The following KASH5 variants were observed in gnomAD, a reference collection of about 807,000 sequenced individuals.
The protein encoded by KASH5 is protein KASH5.
In KASH5, 72 loss-of-function variants were observed where a neutral mutation model predicts 84.2. That is an observed-to-expected ratio of 0.85 (90% CI 0.71 to 1.04). KASH5 has a LOEUF of 1.04. Ranked by LOEUF, KASH5 falls within the 50% of genes least tolerant of loss-of-function variation. KASH5 has a pLI of 0.00. For missense variants in KASH5, 650 were observed against 701.0 expected (o/e 0.93, Z 0.82); for synonymous variants, 260 against 279.1 (o/e 0.93, Z 0.68).
At chr19:49,415,373 T>TG (rs1974872586) in intron 17 of KASH5, 2 of 341,558 alleles carry the variant, frequency 5.9e-6, no homozygotes, top group Non-Finnish European at 1.1e-5. Flanking sequence ...CAGAACTCCC[T>TG]GGGGGCGTAG....
chr19:49,409,120 A>G, intron 13 of KASH5, 76 bp from the exon 14 acceptor site: 1 of 1,588,222 alleles, frequency 6.3e-7, no homozygotes, highest in Non-Finnish European at 8.6e-7. Context: ...TGGGCAGGGA[A>G]GGGAGGCCAG....
rs184574888 is a variant in KASH5 at position 49,395,444 on chromosome 19, G to T, written c.335+152G>T. Among the ~76,000 whole-genome samples, 4 of 142,278 alleles carry T rather than the reference G, an allele frequency of 2.8e-5. No individual in the cohort carries two copies. The highest frequency in any genetic ancestry group is 4.1e-4 in the South Asian group (2 of 4,832). 93.3% of individuals were successfully genotyped at this position (142,278 alleles called of 152,430 possible). On this transcript the variant is annotated intron_variant, in intron 4 of 19. Coordinates refer to ENST00000447857, the MANE Select transcript of KASH5 (RefSeq NM_144688.5). This position sits in a 1 kb window ranked among gnomAD's most constrained non-coding sequence, Gnocchi z 4.4. The stretch of plus-strand genomic sequence containing the variant: ...AAAAATGAAGAGACGGGATTCAGAG[G>T]GGGTAGATAGGGAGTCTGAGGACAA...
chr19:49,397,620 A>G (rs9304688), intron 5 of KASH5, 31 bp from the exon 6 acceptor site: 871,928 of 1,608,470 alleles, frequency 0.54, 237,924 homozygotes, highest in South Asian at 0.64. Flanking sequence ...GTTCCAGGGA[A>G]GCCAACATTC....
chr19:49,416,926 C>G lies in KASH5; in HGVS notation c.1375-89C>G. ...CTTATCTCCTGAGCTCCACCACTTT[C>G]TATGTGGCCACTTGTGTCCAGTGGG... On this transcript the variant is annotated intron_variant, in intron 17 of 19. Coordinates refer to ENST00000447857, the MANE Select transcript of KASH5 (RefSeq NM_144688.5). The surrounding 1 kb of genome is among the most constrained non-coding windows in gnomAD (Gnocchi z 5.4). 7.6e-7 allele frequency: 1 copy of G among 1,321,198 alleles called. No homozygotes were observed. The highest frequency in any genetic ancestry group is 1.1e-6 in the Non-Finnish European group (1 of 940,508). 81.8% of individuals were successfully genotyped at this position (1,321,198 alleles called of 1,614,324 possible).
At position 49,391,115 on chromosome 19, in the gene KASH5, T is replaced by C. The variant is rs145514830; in HGVS notation, c.43+189T>C. On this transcript the variant is annotated intron_variant, in intron 2 of 19. Transcript: ENST00000447857. ...TGCCTACTCTATGCCCGCCCACCTG[T>C]CACTACCCCTTATCTCCTGTGGGGA... Among the ~76,000 whole-genome samples, 42 of 152,240 alleles carry C rather than the reference T, an allele frequency of 2.8e-4. 2 individuals are homozygous for C. The East Asian group carries it at 6.9e-3, about 25-fold the overall frequency.
chr19:49,403,209 T>G (rs1568616428), intron 9 of KASH5, among the ~76,000 whole-genome samples: 1 of 151,992 alleles, frequency 6.6e-6, no homozygotes, highest in African/African-American at 2.4e-5. Flanking sequence ...ATACAAAAAA[T>G]AAATAAATAA....
At chr19:49,415,316 T>C in intron 17 of KASH5, 1 of 422,962 alleles carries the variant, frequency 2.4e-6, no homozygotes, top group Non-Finnish European at 4.4e-6. Context: ...CACACGCACA[T>C]GCGCCCACAC....
At chr19:49,402,767 TAC>T (rs1974403447) in intron 9 of KASH5, among the ~76,000 whole-genome samples, 1 of 152,198 alleles carries the variant, frequency 6.6e-6, no homozygotes, top group South Asian at 2.1e-4. Flanking sequence ...CTTCCTGCCT[TAC>T]AGTTCATTGC....
At chr19:49,401,980 G>A (rs1453039402) in intron 9 of KASH5, among the ~76,000 whole-genome samples, 6 of 152,116 alleles carry the variant, frequency 3.9e-5, no homozygotes, top group African/African-American at 9.6e-5. Flanking sequence ...AGTGGCTCAC[G>A]CCTGTAATCC....
In KASH5 at chr19:49,417,359, T is replaced by C; in HGVS notation, c.1548-10T>C. 1.3e-6 allele frequency: 2 copies of C among 1,552,682 alleles called. No homozygotes were observed. The highest frequency in any genetic ancestry group is 1.4e-5 in the African/African-American group (1 of 73,246). ...ACCCTGCCCTAAATGCTCTCCCACC[T>C]CCCCACCAGAGTCACTCGACATCCA... On this transcript the variant is annotated splice_polypyrimidine_tract_variant and intron_variant, in intron 19 of 19. Coordinates refer to ENST00000447857, the MANE Select transcript of KASH5 (RefSeq NM_144688.5). This position sits in a 1 kb window ranked among gnomAD's most constrained non-coding sequence, Gnocchi z 5.2.
chr19:49,412,336 C>A lies in KASH5; in HGVS notation c.1270-632C>A, dbSNP rs1020811791. Among the ~76,000 whole-genome samples, 2 of 150,556 alleles carry A rather than the reference C, an allele frequency of 1.3e-5. No individual in the cohort carries two copies. The highest frequency in any genetic ancestry group is 2.4e-5 in the African/African-American group (1 of 40,860). On this transcript the variant is annotated intron_variant, in intron 15 of 19. Coordinates refer to ENST00000447857, the MANE Select transcript of KASH5 (RefSeq NM_144688.5). This position sits in a 1 kb window ranked among gnomAD's most constrained non-coding sequence, Gnocchi z 4.6. The stretch of plus-strand genomic sequence containing the variant: ...GTGGAGGGACAGAGCAGGGGTCAGA[C>A]GGGATGTGGGTGATGGGGAGGGAGG...
intron 2 of KASH5, among the ~76,000 whole-genome samples, chr19:49,391,957 C>A (rs1008441079): frequency 7.9e-5 from 12 of 152,174 alleles, no homozygotes; most frequent in Admixed American, 7.2e-4. Flanking sequence ...TACAAAGCCC[C>A]AGACCTCAGG....
chr19:49,396,249 T>TG (rs1245731698), intron 5 of KASH5, among the ~76,000 whole-genome samples: 1,276 of 77,384 alleles, frequency 0.016, 65 homozygotes, highest in African/African-American at 0.041. Context: ...TGGACTTTTT[T>TG]TTTTTTTTTT....
At position 49,395,872 on chromosome 19, in the gene KASH5, G is replaced by A. The variant is rs115156590; in HGVS notation, c.400+39G>A. The A allele has an allele frequency of 9.0e-4, 1,364 of 1,523,512 alleles. 9 individuals are homozygous for A. The African/African-American group carries it at 0.015, about 17-fold the overall frequency. The allele number at this position is 1,523,512 out of a possible 1,614,324, so 94.4% of individuals were successfully genotyped here. A position where few individuals can be genotyped will look rare whatever the true frequency, so the allele number is the denominator to read the frequency against. Reference sequence around the variant, plus strand: ...ATATAGAATGAAGCAGGCAGGCCCTGGGTCAGACAGTGTGGGGACTTACCA... The same window carrying A: ...ATATAGAATGAAGCAGGCAGGCCCTAGGTCAGACAGTGTGGGGACTTACCA... On this transcript the variant is annotated intron_variant, in intron 5 of 19. Transcript: ENST00000447857. This position sits in a 1 kb window ranked among gnomAD's most constrained non-coding sequence, Gnocchi z 4.4.
chr19:49,397,248 C>T (rs925205170), intron 5 of KASH5, among the ~76,000 whole-genome samples: 1 of 151,838 alleles, frequency 6.6e-6, no homozygotes, highest in Non-Finnish European at 1.5e-5. Flanking sequence ...AAAGCAAGGG[C>T]CGGGGCATGG....
At chr19:49,393,488 C>T (rs529907735) in intron 2 of KASH5, 1 of 152,426 alleles carries the variant, frequency 6.6e-6, no homozygotes, top group South Asian at 2.1e-4. Flanking sequence ...AGCCTGTGCT[C>T]AGTGAGCTGC....
intron 1 of KASH5, among the ~76,000 whole-genome samples, chr19:49,389,382 C>T (rs1200020367): frequency 1.3e-5 from 2 of 151,854 alleles, no homozygotes; most frequent in Non-Finnish European, 2.9e-5. Context: ...GAAAGCCCGC[C>T]AAGGCCCACA....
intron 2 of KASH5, among the ~76,000 whole-genome samples, 195 bp from the exon 3 acceptor site, chr19:49,394,281 G>T (rs1974101534): frequency 6.6e-6 from 1 of 152,156 alleles, no homozygotes; most frequent in Non-Finnish European, 1.5e-5. Context: ...TTTGAAAGAT[G>T]GGGGGAAGTA....
At chr19:49,411,818 C>T (rs1005271054) in intron 15 of KASH5, among the ~76,000 whole-genome samples, 1 of 151,064 alleles carries the variant, frequency 6.6e-6, no homozygotes, top group African/African-American at 2.4e-5. Flanking sequence ...GAAGGGGTAT[C>T]TGTGTCAGGT....
Sources: allele counts gnomAD v4.1 joint callset (sites outside exome capture counted in the v4.1 genomes callset), GRCh38; gene constraint gnomAD v4.1.1; non-coding constraint Gnocchi (gnomAD v3.1); transcripts MANE v1.5; gene names NCBI Gene and HGNC (gene_info 2026-07-23, HGNC 2026-07-21).